ANO10: variants seen among roughly 807,000 people sequenced by gnomAD.
The protein encoded by ANO10 is anoctamin 10.
In ANO10, 77 loss-of-function variants were observed where a neutral mutation model predicts 74.7. That is an observed-to-expected ratio of 1.03 (90% confidence interval 0.86 to 1.25). ANO10 has a LOEUF of 1.25. Among genes scored for constraint, ANO10 ranks in the 50% most tolerant of loss-of-function variants. ANO10 has a pLI of 0.00. For missense variants in ANO10, 721 were observed against 778.1 expected, an observed-to-expected ratio of 0.93 and a Z score of 0.87; for synonymous variants, 279 against 284.9, an observed-to-expected ratio of 0.98 and a Z score of 0.21.
At chr3:43,467,730 T>C (rs1465273039) in intron 11 of ANO10, among the ~76,000 whole-genome samples, 1 of 152,242 alleles carries the variant, frequency 6.6e-6, no homozygotes, top group Non-Finnish European at 1.5e-5. Context: ...GTCCTCTTTA[T>C]TGTATGTAAA....
chr3:43,462,931 T>C (rs1424119534), intron 11 of ANO10, among the ~76,000 whole-genome samples: 1 of 152,164 alleles, frequency 6.6e-6, no homozygotes, highest in African/African-American at 2.4e-5. Context: ...TTCCACGTGG[T>C]GTTGAGGCTG....
chr3:43,496,791 C>T (rs2076934444), intron 11 of ANO10, among the ~76,000 whole-genome samples: 1 of 152,066 alleles, frequency 6.6e-6, no homozygotes, highest in African/African-American at 2.4e-5. Flanking sequence ...CACCCCTGAA[C>T]CACAGCACCC....
chr3:43,672,678 A>T (rs1230567315), intron 1 of ANO10, among the ~76,000 whole-genome samples: 1 of 152,166 alleles, frequency 6.6e-6, no homozygotes, highest in Non-Finnish European at 1.5e-5. Context: ...TCATCAAGTT[A>T]TTACACCTTT....
rs144199981 is a variant in ANO10, at chr3:43,506,703, C to G, written c.1797+43017G>C. Among the ~76,000 whole-genome samples the G allele has an allele frequency of 4.7e-3, 713 of 152,278 alleles. 5 individuals are homozygous for G. Among genetic ancestry groups the G allele is most frequent in the African/African-American group, 0.017 (686 of 41,552 alleles). ...TAGGGTGCTGTGCCTTCTGCCTGCACTGCTCTTCCTCCACTAGGTATCTGC... is the reference window on the plus strand; with the variant it reads ...TAGGGTGCTGTGCCTTCTGCCTGCAGTGCTCTTCCTCCACTAGGTATCTGC... On this transcript the variant is annotated intron_variant, in intron 11 of 12. Coordinates refer to ENST00000292246, the MANE Select transcript of ANO10 (RefSeq NM_018075.5).
chr3:43,478,682 C>G (rs1441726114), intron 11 of ANO10, among the ~76,000 whole-genome samples: 1 of 152,184 alleles, frequency 6.6e-6, no homozygotes, highest in African/African-American at 2.4e-5. Context: ...AGCTCTCACT[C>G]CTATGTAGTA....
At chr3:43,423,966 TTA>T (rs2092859570) in intron 12 of ANO10, among the ~76,000 whole-genome samples, 1 of 152,206 alleles carries the variant, frequency 6.6e-6, no homozygotes, top group Non-Finnish European at 1.5e-5. Flanking sequence ...AAATCTGATG[TTA>T]CGGTACCATT....
At chr3:43,616,275 C>A (rs2149530266) in intron 1 of ANO10, among the ~76,000 whole-genome samples, 1 of 152,286 alleles carries the variant, frequency 6.6e-6, no homozygotes, top group South Asian at 2.1e-4. Flanking sequence ...TACTCAGACC[C>A]AAAGTCACAC....
intron 11 of ANO10, among the ~76,000 whole-genome samples, chr3:43,515,941 G>C (rs1324212130): frequency 2.0e-5 from 3 of 152,102 alleles, no homozygotes; most frequent in African/African-American, 4.8e-5. Flanking sequence ...CAGAATCAAG[G>C]GCACATGCAA....
intron 1 of ANO10, among the ~76,000 whole-genome samples, chr3:43,687,406 T>C (rs1164232208): frequency 6.6e-6 from 1 of 152,192 alleles, no homozygotes; most frequent in Non-Finnish European, 1.5e-5. Context: ...GTGATGGTTG[T>C]GGTATTGCTC....
chr3:43,396,430 C>T (rs1468566653), intron 12 of ANO10, among the ~76,000 whole-genome samples: 1 of 152,092 alleles, frequency 6.6e-6, no homozygotes, highest in Non-Finnish European at 1.5e-5. Flanking sequence ...CCTCCGCCTC[C>T]CAAGTTCATG....
chr3:43,586,538 A>C (rs1052876154), intron 4 of ANO10, among the ~76,000 whole-genome samples: 2 of 152,160 alleles, frequency 1.3e-5, no homozygotes, highest in Admixed American at 1.3e-4. Context: ...TCATTAAAAC[A>C]TAAGTAATAA....
chr3:43,554,123 GCTGA>G (rs1392944478), intron 10 of ANO10, among the ~76,000 whole-genome samples: 1 of 151,048 alleles, frequency 6.6e-6, no homozygotes, highest in African/African-American at 2.4e-5. Flanking sequence ...AGTGGCATCT[GCTGA>G]CTGTCTTTTC....
chr3:43,661,321 G>A (rs1202854652), intron 1 of ANO10, among the ~76,000 whole-genome samples: 2 of 152,166 alleles, frequency 1.3e-5, no homozygotes, highest in East Asian at 3.8e-4. Context: ...CATAAGTGAA[G>A]GAGAAATAAA....
chr3:43,593,956 C>T (rs1392351935), intron 4 of ANO10, among the ~76,000 whole-genome samples: 3 of 152,128 alleles, frequency 2.0e-5, no homozygotes, highest in Non-Finnish European at 2.9e-5. Flanking sequence ...GCAGGGGTTG[C>T]AATCCTAGTC....
intron 12 of ANO10, among the ~76,000 whole-genome samples, chr3:43,374,443 G>A (rs567504029): frequency 2.4e-4 from 36 of 152,304 alleles, no homozygotes; most frequent in African/African-American, 8.2e-4. Context: ...TAAAGGTTGA[G>A]AAACTTGCAC....
chr3:43,684,382 T>C (rs1424860883), intron 1 of ANO10, among the ~76,000 whole-genome samples: 1 of 152,086 alleles, frequency 6.6e-6, no homozygotes. Flanking sequence ...TAAAATGAAA[T>C]ACCATCTCAC....
chr3:43,637,167 C>T (rs950902648), intron 1 of ANO10, among the ~76,000 whole-genome samples: 3 of 151,364 alleles, frequency 2.0e-5, no homozygotes, highest in Non-Finnish European at 2.9e-5. Context: ...GAGACCCTGT[C>T]TCAAAAAAAC....
intron 1 of ANO10, chr3:43,691,176 C>A: frequency 1.2e-6 from 1 of 848,174 alleles, no homozygotes; most frequent in East Asian, 3.4e-5. Flanking sequence ...CCCTCCCCGG[C>A]ATGAGTCCGC....
intron 11 of ANO10, among the ~76,000 whole-genome samples, chr3:43,475,712 C>T (rs920433191): frequency 7.9e-5 from 12 of 152,212 alleles, no homozygotes; most frequent in Admixed American, 2.0e-4. Flanking sequence ...CAGTCTCCTG[C>T]ATCAGCCTCC....
Sources: allele counts gnomAD v4.1 joint callset (sites outside exome capture counted in the v4.1 genomes callset), GRCh38; gene constraint gnomAD v4.1.1; transcripts MANE v1.5; gene names NCBI Gene and HGNC (gene_info 2026-07-23, HGNC 2026-07-21).